Variants in RBMS1 observed in about 807,000 individuals in gnomAD.
RBMS1 encodes the protein RNA binding motif single stranded interacting protein 1.
In RBMS1, 17 loss-of-function variants were observed where a neutral mutation model predicts 62.3. The ratio of observed to expected loss-of-function variants is 0.27; its 90% CI spans 0.19 to 0.41. The LOEUF (loss-of-function observed/expected upper bound fraction) is 0.41, where lower values mean the gene tolerates loss of function less well. RBMS1 is among the 10% of genes least tolerant of loss of function. RBMS1 has a pLI of 1.00. For missense variants in RBMS1, 334 were observed against 504.5 expected, an observed-to-expected ratio of 0.66 and a Z score of 3.24; for synonymous variants, 172 against 170.0, an observed-to-expected ratio of 1.01 and a Z score of -0.09.
At chr2:160,450,583 A>AAAC (rs1683939614) in intron 1 of RBMS1, among the ~76,000 whole-genome samples, 1 of 150,834 alleles carries the variant, frequency 6.6e-6, no homozygotes, top group Non-Finnish European at 1.5e-5. Context: ...AAAAAAACAA[A>AAAC]AAACATTAAC....
intron 6 of RBMS1, 36 bp downstream of exon 6, chr2:160,300,615 G>A: frequency 6.4e-7 from 1 of 1,569,734 alleles, no homozygotes; most frequent in Non-Finnish European, 8.6e-7. Context: ...ACATCATATA[G>A]AAGACTACTG....
chr2:160,426,282 AAAG>A (rs754408141), intron 1 of RBMS1, among the ~76,000 whole-genome samples: 1,354 of 110,740 alleles, frequency 0.012, 5 homozygotes, highest in African/African-American at 0.018. Flanking sequence ...AGAAAGAAAG[AAAG>A]AAAGAAAAGA....
intron 1 of RBMS1, among the ~76,000 whole-genome samples, chr2:160,487,302 G>A (rs186035701): frequency 2.0e-5 from 3 of 152,210 alleles, no homozygotes; most frequent in African/African-American, 7.2e-5. Flanking sequence ...ATATATCTTA[G>A]TGCCTTCTCA....
intron 2 of RBMS1, among the ~76,000 whole-genome samples, chr2:160,336,379 C>A (rs1279194356): frequency 6.6e-6 from 1 of 152,114 alleles, no homozygotes; most frequent in South Asian, 2.1e-4. Context: ...ACTGTATGGC[C>A]TTGTTTTTTA....
At chr2:160,457,223 T>A (rs978898085) in intron 1 of RBMS1, among the ~76,000 whole-genome samples, 4 of 152,092 alleles carry the variant, frequency 2.6e-5, no homozygotes, top group Admixed American at 2.0e-4. Context: ...CTCCCCCTCC[T>A]GGGTTCAAGT....
At chr2:160,438,561 A>G (rs1323394900) in intron 1 of RBMS1, among the ~76,000 whole-genome samples, 1 of 152,186 alleles carries the variant, frequency 6.6e-6, no homozygotes, top group Non-Finnish European at 1.5e-5. Context: ...TGTTTCAGAG[A>G]GCACAGGATT....
At chr2:160,301,439 C>T (rs775679350) in intron 5 of RBMS1, among the ~76,000 whole-genome samples, 2 of 152,178 alleles carry the variant, frequency 1.3e-5, no homozygotes, top group Admixed American at 6.5e-5. Context: ...TAAAAACACT[C>T]TATACTCCTG....
At chr2:160,434,105 T>G (rs776220649) in intron 1 of RBMS1, among the ~76,000 whole-genome samples, 1 of 152,338 alleles carries the variant, frequency 6.6e-6, no homozygotes. Context: ...ACTAGTCAAA[T>G]GACTTCGATA....
intron 11 of RBMS1, chr2:160,277,651 G>T (rs1687906698): frequency 3.0e-6 from 1 of 329,846 alleles, no homozygotes; most frequent in African/African-American, 2.1e-5. Flanking sequence ...TATGGGTGAA[G>T]ATAAAAAAGT....
chr2:160,359,051 C>T (rs748171669), intron 2 of RBMS1, among the ~76,000 whole-genome samples: 3 of 152,150 alleles, frequency 2.0e-5, no homozygotes, highest in Non-Finnish European at 2.9e-5. Context: ...AAAAAATCAT[C>T]TGTGGATATT....
intron 1 of RBMS1, among the ~76,000 whole-genome samples, chr2:160,371,986 G>C (rs1693749271): frequency 6.6e-6 from 1 of 152,052 alleles, no homozygotes; most frequent in African/African-American, 2.4e-5. Flanking sequence ...AAATCTAAAG[G>C]TCATTTACAA....
chr2:160,483,570 T>G (rs1260793004), intron 1 of RBMS1, among the ~76,000 whole-genome samples: 1 of 152,080 alleles, frequency 6.6e-6, no homozygotes, highest in Admixed American at 6.6e-5. Context: ...TCTACAGCAT[T>G]AAGAGGTAGT....
chr2:160,476,920 A>G lies in RBMS1; in HGVS notation c.75+16369T>C, dbSNP rs567741302. On this transcript the variant is annotated intron_variant, in intron 1 of 13. Coordinates refer to ENST00000348849, the MANE Select transcript of RBMS1 (RefSeq NM_016836.4). The stretch of plus-strand genomic sequence containing the variant: ...AAGGAAGCCTGCATGTACACAAATT[A>G]CTGTTTATAAAGTACGATATAAAAC... Among the ~76,000 whole-genome samples the G allele has an allele frequency of 3.3e-5, 5 of 152,284 alleles. No homozygotes were observed. In the South Asian group the frequency reaches 1.0e-3, roughly 32 times the overall value.
chr2:160,349,553 AAGAGAGAGAGAG>A (rs372260654), intron 2 of RBMS1, among the ~76,000 whole-genome samples: 6 of 142,748 alleles, frequency 4.2e-5, no homozygotes, highest in African/African-American at 1.3e-4. Flanking sequence ...CAGAGACAGA[AAGAGAGAGAGAG>A]AGAGAGAGAG....
At chr2:160,468,774 T>A (rs1187704062) in intron 1 of RBMS1, among the ~76,000 whole-genome samples, 3 of 152,222 alleles carry the variant, frequency 2.0e-5, no homozygotes, top group African/African-American at 7.2e-5. Context: ...TTAATTCAAC[T>A]TTGAAAAGTG....
At chr2:160,378,854 ACT>A in intron 1 of RBMS1, among the ~76,000 whole-genome samples, 1 of 152,316 alleles carries the variant, frequency 6.6e-6, no homozygotes, top group East Asian at 1.9e-4. Context: ...TGTGAACTCC[ACT>A]GTTTGCTTCT....
At chr2:160,318,780 T>C (rs1011364550) in intron 2 of RBMS1, among the ~76,000 whole-genome samples, 10 of 152,246 alleles carry the variant, frequency 6.6e-5, no homozygotes, top group African/African-American at 2.2e-4. Flanking sequence ...GTCAAACAGA[T>C]CCTTTTTACT....
At chr2:160,417,510 T>C (rs1282215981) in intron 1 of RBMS1, among the ~76,000 whole-genome samples, 1 of 152,242 alleles carries the variant, frequency 6.6e-6, no homozygotes, top group Admixed American at 6.5e-5. Context: ...CATCTCTCTG[T>C]ATCAGTGTCC....
chr2:160,490,420 C>T (rs539595870), intron 1 of RBMS1, among the ~76,000 whole-genome samples: 2 of 151,980 alleles, frequency 1.3e-5, no homozygotes, highest in Non-Finnish European at 2.9e-5. Context: ...CCACTCATGT[C>T]CTGCTCTTCC....
Sources: allele counts gnomAD v4.1 joint callset (sites outside exome capture counted in the v4.1 genomes callset), GRCh38; gene constraint gnomAD v4.1.1; transcripts MANE v1.5; gene names NCBI Gene and HGNC (gene_info 2026-07-23, HGNC 2026-07-21).